The following ARV1 variants were observed in gnomAD, a reference collection of about 807,000 sequenced individuals.
The protein encoded by ARV1 is protein ARV1.
In ARV1, 26 loss-of-function variants were observed where a neutral mutation model predicts 31.1. The ratio of observed to expected loss-of-function variants is 0.84; its 90% CI spans 0.61 to 1.16. The LOEUF (loss-of-function observed/expected upper bound fraction) is 1.16, where lower values mean the gene tolerates loss of function less well. ARV1 is among the 50% of genes most tolerant of loss of function. The pLI, the probability that ARV1 is intolerant of heterozygous loss-of-function variation, is 0.00. For synonymous variants in ARV1, 117 were observed against 123.2 expected, an observed-to-expected ratio of 0.95 and a Z score of 0.34; for missense variants, 281 against 324.9, an observed-to-expected ratio of 0.86 and a Z score of 1.04.
rs1378013381 is a variant in ARV1, at chr1:230,997,215, A to G, written c.768A>G (p.Glu256=). The G allele has an allele frequency of 4.3e-6, 7 of 1,613,998 alleles. No individual in the cohort carries two copies. Among genetic ancestry groups the G allele is most frequent in the Non-Finnish European group, 5.1e-6 (6 of 1,179,858 alleles). ...TGGTCTACTTCTTCCAGAGTATGGA[A>G]TGGGATGTTGGAAGTGATTATGCCA... ...SIMVYFFQSM[E]WDVGSDYAIF... Residue 256 remains glutamate, a synonymous_variant, in exon 5 of 6, where the codon GAA becomes GAG. Transcript: ENST00000310256.
chr1:230,995,670 G>A lies in ARV1; in HGVS notation c.449-90G>A. ...TATTTCTTATGAAGTCAGCTGATAAGCTGTATTTTAGAATGGTGGTTTATT... is the reference window on the plus strand; with the variant it reads ...TATTTCTTATGAAGTCAGCTGATAAACTGTATTTTAGAATGGTGGTTTATT... On this transcript the variant is annotated intron_variant, in intron 3 of 5. Transcript: ENST00000310256. 12 of 915,492 alleles carry A rather than the reference G, an allele frequency of 1.3e-5. No individual in the cohort carries two copies. In the South Asian group the frequency reaches 1.8e-4, roughly 14 times the overall value. The allele number at this position is 915,492 out of a possible 1,614,324, so 56.7% of individuals were successfully genotyped here.
chr1:230,992,849 T>C (rs1157910945), intron 3 of ARV1, among the ~76,000 whole-genome samples: 1 of 152,218 alleles, frequency 6.6e-6, no homozygotes, highest in East Asian at 1.9e-4. Flanking sequence ...CCTCCATTAT[T>C]ATGTAATTAC....
At chr1:230,990,409 A>G (rs1238722272) in intron 3 of ARV1, 146 bp downstream of exon 3, 12 of 1,037,430 alleles carry the variant, frequency 1.2e-5, no homozygotes, top group South Asian at 2.9e-5. Context: ...TACCACTACT[A>G]ACCTACGAGG....
At chr1:230,979,430 A>G in intron 1 of ARV1, 151 bp downstream of exon 1, 1 of 882,026 alleles carries the variant, frequency 1.1e-6, no homozygotes, top group South Asian at 1.8e-5. Context: ...CTGATAGAGA[A>G]CTCAGCTACC....
chr1:230,999,045 T>G (rs1339348286), intron 5 of ARV1, among the ~76,000 whole-genome samples: 3 of 152,194 alleles, frequency 2.0e-5, no homozygotes, highest in African/African-American at 7.2e-5. Context: ...CCATTAGATC[T>G]TTCTTCACTG....
chr1:230,989,838 T>C (rs1429485060), intron 2 of ARV1, among the ~76,000 whole-genome samples: 2 of 152,202 alleles, frequency 1.3e-5, no homozygotes, highest in Non-Finnish European at 2.9e-5. Flanking sequence ...CAGAACTGTT[T>C]CAAAGTATGA....
intron 1 of ARV1, among the ~76,000 whole-genome samples, chr1:230,986,138 G>A (rs751980256): frequency 2.6e-5 from 4 of 151,770 alleles, no homozygotes; most frequent in Non-Finnish European, 4.4e-5. Context: ...TAGCCAGGAT[G>A]GTCTCGATTT....
intron 1 of ARV1, among the ~76,000 whole-genome samples, chr1:230,986,171 C>T (rs1489712831): frequency 1.3e-5 from 2 of 151,990 alleles, no homozygotes; most frequent in African/African-American, 2.4e-5. Flanking sequence ...ATCCACCTGC[C>T]TCGGACTCCC....
rs756361004 is a variant in ARV1, at chr1:230,995,782, C to G, written c.471C>G (p.Gly157=). 3 of 1,613,354 alleles carry G rather than the reference C, an allele frequency of 1.9e-6. No individual in the cohort carries two copies. The highest frequency in any genetic ancestry group is 2.5e-6 in the Non-Finnish European group (3 of 1,179,660). ...AALEQTAYFI[G]IFTFLWVERP... is the part of the protein sequence containing the mutation. ...TAGAACAAACTGCCTATTTTATTGG[C>G]ATTTTTACCTTCCTGTGGGTAGAAC... Residue 157 remains glycine (G), a synonymous_variant, in exon 4 of 6, where the codon GGC becomes GGG. Transcript: ENST00000310256.
intron 3 of ARV1, among the ~76,000 whole-genome samples, 164 bp from the exon 4 acceptor site, chr1:230,995,596 A>AC (rs916763643): frequency 1.3e-4 from 18 of 143,332 alleles, no homozygotes; most frequent in East Asian, 3.9e-4. Flanking sequence ...AAAAAAAAAC[A>AC]ACACACAAAC....
intron 1 of ARV1, among the ~76,000 whole-genome samples, chr1:230,981,900 A>G (rs1678920061): frequency 6.6e-6 from 1 of 152,130 alleles, no homozygotes; most frequent in Non-Finnish European, 1.5e-5. Flanking sequence ...GCACTCTTCT[A>G]TCAGGTATCT....
In ARV1 at chr1:230,979,136, C is replaced by T; in HGVS notation, c.31C>T (p.Gln11Ter). 2 of 1,608,554 alleles carry T rather than the reference C, an allele frequency of 1.2e-6. No homozygotes were observed. Among genetic ancestry groups the T allele is most frequent in the Non-Finnish European group, 1.7e-6 (2 of 1,178,354 alleles). The change falls in exon 1 of 6, where the codon CAG becomes TAG. Residue 11 changes from glutamine (Q) to a stop codon, truncating the protein, a stop_gained. Transcript: ENST00000310256. LOFTEE classifies it high-confidence loss of function. ...CAACGGCGGGCGGAGCGGCCTGCAG[C>T]AGGGGAAGGGGAACGTGGATGGGGT... is the stretch of plus-strand genomic sequence containing the variant. MGNGGRSGLQ[Q>*]GKGNVDGVAA...
chr1:230,993,872 A>T (rs1004382585), intron 3 of ARV1, among the ~76,000 whole-genome samples: 1 of 152,230 alleles, frequency 6.6e-6, no homozygotes. Flanking sequence ...TTTTGCCTGG[A>T]TGACCAAGAC....
At chr1:230,997,739 T>A (rs745714198) in intron 5 of ARV1, among the ~76,000 whole-genome samples, 2 of 152,206 alleles carry the variant, frequency 1.3e-5, no homozygotes, top group African/African-American at 2.4e-5. Context: ...CTCTTCTCTG[T>A]TAGTACCTTG....
At chr1:230,995,026 G>T (rs1369916938) in intron 3 of ARV1, among the ~76,000 whole-genome samples, 1 of 152,104 alleles carries the variant, frequency 6.6e-6, no homozygotes, top group Admixed American at 6.5e-5. Flanking sequence ...ATAAAATAAG[G>T]GACTGGCCAC....
rs561811397 is a variant in ARV1 at position 230,998,290 on chromosome 1, G to A, written c.*4+1023G>A. ...ACCCCCGTCAGGGAGAGTTGAGGCT[G>A]CGCTTTGGTCTCTCCCTCCTCGCTG... On this transcript the variant is annotated intron_variant, in intron 5 of 5. Coordinates refer to ENST00000310256, the MANE Select transcript of ARV1 (RefSeq NM_022786.3). Among the ~76,000 whole-genome samples, 10 of 152,300 alleles carry A rather than the reference G, an allele frequency of 6.6e-5. No individual in the cohort carries two copies. The East Asian group carries it at 1.9e-3, about 29-fold the overall frequency.
At chr1:230,997,075 A>G (rs1270566272) in intron 4 of ARV1, 46 bp from the exon 5 acceptor site, 3 of 1,593,378 alleles carry the variant, frequency 1.9e-6, no homozygotes, top group Non-Finnish European at 1.7e-6. Flanking sequence ...ACATGTCAAT[A>G]TCGTTTCATT....
At chr1:230,985,385 C>CT (rs1388621376) in intron 1 of ARV1, among the ~76,000 whole-genome samples, 1 of 152,166 alleles carries the variant, frequency 6.6e-6, no homozygotes, top group Admixed American at 6.5e-5. Flanking sequence ...TTGTCTTCTG[C>CT]TTCTAAACTG....
Position 230,995,883 on chromosome 1 carries a change from T to A in ARV1, c.572T>A (p.Leu191His). Residue 191 changes from leucine (L) to histidine (H), a missense_variant, in exon 4 of 6, where the codon CTC (leucine) becomes CAC (histidine). Transcript: ENST00000310256. ...KALLLSSYGKLLLIPAVIWEH... is the reference protein window; with the variant it reads ...KALLLSSYGKHLLIPAVIWEH... ...TTATTATTATCTAGCTACGGAAAAC[T>A]CTTGCTGATTCCAGCTGTCATTTGG... The A allele has an allele frequency of 6.2e-7, 1 of 1,614,140 alleles. No individual in the cohort carries two copies. The highest frequency in any genetic ancestry group is 1.1e-5 in the South Asian group (1 of 91,078).
Sources: gnomAD v4.1 joint callset for allele counts (sites outside exome capture counted in the v4.1 genomes callset) on GRCh38, gnomAD v4.1.1 for gene constraint, MANE v1.5 for transcripts, NCBI Gene and HGNC (gene_info 2026-07-23, HGNC 2026-07-21) for gene names.